Variants in VSTM2L observed in about 807,000 individuals in gnomAD.
VSTM2L encodes the protein V-set and transmembrane domain-containing protein 2-like protein.
A neutral mutation model predicts 19.9 loss-of-function variants in VSTM2L; 9 were observed. That is an observed-to-expected ratio of 0.45 (90% CI 0.27 to 0.79). The LOEUF (loss-of-function observed/expected upper bound fraction) is 0.79, where lower values mean the gene tolerates loss of function less well. VSTM2L is among the 30% of genes least tolerant of loss of function. The pLI is 0.15. For missense variants in VSTM2L, 286 were observed against 295.5 expected, an observed-to-expected ratio of 0.97 and a Z score of 0.24; for synonymous variants, 127 against 133.8, an observed-to-expected ratio of 0.95 and a Z score of 0.35.
chr20:37,917,380 C>T (rs1445210319), intron 1 of VSTM2L, among the ~76,000 whole-genome samples: 3 of 152,166 alleles, frequency 2.0e-5, no homozygotes, highest in Admixed American at 6.5e-5. Flanking sequence ...CAGGGCGGCC[C>T]CTCCTCCATC....
intron 3 of VSTM2L, among the ~76,000 whole-genome samples, chr20:37,942,861 C>G (rs2072980646): frequency 1.3e-5 from 2 of 152,254 alleles, no homozygotes. Context: ...ATATAACAAA[C>G]ATCCTTGCTC....
chr20:37,926,987 A>G (rs929709848), intron 1 of VSTM2L, among the ~76,000 whole-genome samples: 2 of 152,248 alleles, frequency 1.3e-5, no homozygotes, highest in African/African-American at 4.8e-5. Context: ...CTTTTTTCCA[A>G]GACGGAGTCT....
chr20:37,922,881 T>C (rs975590505), intron 1 of VSTM2L, among the ~76,000 whole-genome samples: 1 of 151,216 alleles, frequency 6.6e-6, no homozygotes, highest in Non-Finnish European at 1.5e-5. Flanking sequence ...AGAGGACCGG[T>C]GGGTGAGGGG....
intron 3 of VSTM2L, among the ~76,000 whole-genome samples, chr20:37,934,381 A>G (rs1048179688): frequency 1.3e-5 from 2 of 152,214 alleles, no homozygotes; most frequent in Non-Finnish European, 2.9e-5. Flanking sequence ...ACATGTGGCC[A>G]TGCAACGAGG....
At chr20:37,914,182 G>A (rs2072797507) in intron 1 of VSTM2L, among the ~76,000 whole-genome samples, 1 of 151,070 alleles carries the variant, frequency 6.6e-6, no homozygotes, top group Admixed American at 6.6e-5. Flanking sequence ...GTGCATATGT[G>A]TGTATGTGTG....
At chr20:37,918,253 A>G (rs2072831194) in intron 1 of VSTM2L, among the ~76,000 whole-genome samples, 1 of 152,062 alleles carries the variant, frequency 6.6e-6, no homozygotes, top group South Asian at 2.1e-4. Flanking sequence ...GGAACTAGTG[A>G]TGGGTTGTGA....
chr20:37,913,989 G>A (rs1437246084), intron 1 of VSTM2L, among the ~76,000 whole-genome samples: 1 of 152,146 alleles, frequency 6.6e-6, no homozygotes, highest in Non-Finnish European at 1.5e-5. Flanking sequence ...TGCACGGACA[G>A]GAGAGGCTGC....
chr20:37,903,816 C>T (rs1371099555), intron 1 of VSTM2L, among the ~76,000 whole-genome samples: 1 of 152,222 alleles, frequency 6.6e-6, no homozygotes, highest in Non-Finnish European at 1.5e-5. Context: ...TCCCCCTCCT[C>T]ACTGCAAGCC....
In VSTM2L at chr20:37,909,599, GA is replaced by G. The variant is rs551611416; in HGVS notation, c.121+6134del. On this transcript the variant is annotated intron_variant, in intron 1 of 3. Coordinates refer to ENST00000373461, the MANE Select transcript of VSTM2L (RefSeq NM_080607.3). ...CTTAAGGAATCTATGTTTATAGGGG[GA>G]AAAAATCACAAAATTGGAGCCCCCT... Among the ~76,000 whole-genome samples the G allele has an allele frequency of 1.9e-3, 292 of 152,246 alleles. 1 individual carries two copies. Among genetic ancestry groups the G allele is most frequent in the African/African-American group, 6.2e-3 (257 of 41,536 alleles).
intron 1 of VSTM2L, among the ~76,000 whole-genome samples, chr20:37,914,217 A>C (rs79149317): frequency 0.013 from 1,840 of 144,534 alleles, 38 homozygotes; most frequent in African/African-American, 0.045. Context: ...GTGTGTGTAT[A>C]TTGTGTGGTG....
chr20:37,904,591 G>A lies in VSTM2L; in HGVS notation c.121+1120G>A, dbSNP rs77609510. 8.3e-3 allele frequency among the ~76,000 whole-genome samples: 1,258 copies of A among 152,340 alleles called. 25 individuals are homozygous for A. Among genetic ancestry groups the A allele is most frequent in the African/African-American group, 0.027 (1,139 of 41,576 alleles). ...AAACCAAAGGAGACCTTTCTTCCAT[G>A]CAGCCCTTCACTAGACAGGCTGACA... On this transcript the variant is annotated intron_variant, in intron 1 of 3. Transcript: ENST00000373461.
chr20:37,914,195 G>T (rs1394367593), intron 1 of VSTM2L, among the ~76,000 whole-genome samples: 1 of 151,092 alleles, frequency 6.6e-6, no homozygotes, highest in Non-Finnish European at 1.5e-5. Context: ...TATGTGTGGT[G>T]TGTGCATGTA....
intron 1 of VSTM2L, among the ~76,000 whole-genome samples, chr20:37,909,492 A>G (rs1757234720): frequency 6.6e-6 from 1 of 152,228 alleles, no homozygotes; most frequent in Non-Finnish European, 1.5e-5. Context: ...GAGGAGGACG[A>G]AGCAGGGGAT....
At chr20:37,910,504 T>C (rs1381760864) in intron 1 of VSTM2L, among the ~76,000 whole-genome samples, 10 of 152,254 alleles carry the variant, frequency 6.6e-5, no homozygotes, top group African/African-American at 2.2e-4. Flanking sequence ...GCACCTGTCA[T>C]GTGCCAGGCT....
rs756482169 is a variant in VSTM2L, at chr20:37,931,727, T to C, written c.214T>C (p.Tyr72His). 5.0e-6 allele frequency: 8 copies of C among 1,613,830 alleles called. No individual in the cohort carries two copies. The highest frequency in any genetic ancestry group is 5.9e-6 in the Non-Finnish European group (7 of 1,180,012). Residue 72 changes from tyrosine (Y) to histidine (H), a missense_variant, in exon 2 of 4, where the codon TAC (tyrosine) becomes CAC (histidine). Physicochemically the swap from Tyr to His is moderately conservative, Grantham distance 83 (BLOSUM62 2). Transcript: ENST00000373461. Reference sequence around the variant, plus strand: ...CTTCCGCGGCAGCGGCTCCCCCTCCTACTCGCTGGAGATCCAGTGGTGGTA... The same window carrying C: ...CTTCCGCGGCAGCGGCTCCCCCTCCCACTCGCTGGAGATCCAGTGGTGGTA... ...CSFRGSGSPS[Y>H]SLEIQWWYVR...
chr20:37,906,995 G>C (rs2072754981), intron 1 of VSTM2L, among the ~76,000 whole-genome samples: 1 of 152,192 alleles, frequency 6.6e-6, no homozygotes, highest in Non-Finnish European at 1.5e-5. Context: ...CCTACAGCTT[G>C]CAAGAAGCCT....
At chr20:37,903,900 G>T (rs56356566) in intron 1 of VSTM2L, among the ~76,000 whole-genome samples, 2 of 152,142 alleles carry the variant, frequency 1.3e-5, no homozygotes, top group Non-Finnish European at 2.9e-5. Flanking sequence ...TGGCGCACAC[G>T]CTTCGCCACA....
intron 1 of VSTM2L, among the ~76,000 whole-genome samples, chr20:37,916,150 C>A (rs1352136040): frequency 6.6e-6 from 1 of 152,240 alleles, no homozygotes; most frequent in Non-Finnish European, 1.5e-5. Flanking sequence ...GGCTCAAATC[C>A]TGCCCCGCTC....
chr20:37,943,927 C>A, intron 3 of VSTM2L, 54 bp from the exon 4 acceptor site: 3 of 284,852 alleles, frequency 1.1e-5, no homozygotes, highest in Non-Finnish European at 1.0e-5. Flanking sequence ...CCCGACTCTT[C>A]TTCTCCCCCA....
Sources: gnomAD v4.1 joint callset for allele counts (sites outside exome capture counted in the v4.1 genomes callset) on GRCh38, gnomAD v4.1.1 for gene constraint, MANE v1.5 for transcripts, NCBI Gene and HGNC (gene_info 2026-07-23, HGNC 2026-07-21) for gene names.